The following DCC variants were observed in gnomAD, a reference collection of about 807,000 sequenced individuals.
The protein encoded by DCC is netrin receptor DCC.
Under a neutral mutation model 172.5 loss-of-function variants are expected in DCC, and 58 were observed. That is an observed-to-expected ratio of 0.34 (90% CI 0.27 to 0.42). DCC has a LOEUF of 0.42. Ranked by LOEUF, DCC falls within the 10% of genes least tolerant of loss-of-function variation. DCC has a pLI of 1.00. For synonymous variants in DCC, 709 were observed against 644.5 expected (o/e 1.10, Z -1.52); for missense variants, 1,740 against 1,791.0 (o/e 0.97, Z 0.51).
At chr18:52,914,970 TAAAG>T (rs771047354) in intron 3 of DCC, among the ~76,000 whole-genome samples, 11 of 152,168 alleles carry the variant, frequency 7.2e-5, no homozygotes, top group East Asian at 5.8e-4. Context: ...AGGAATTTAA[TAAAG>T]AAAACCGAGG....
At chr18:52,876,746 A>G (rs1382202749) in intron 2 of DCC, among the ~76,000 whole-genome samples, 1 of 152,160 alleles carries the variant, frequency 6.6e-6, no homozygotes, top group Non-Finnish European at 1.5e-5. Context: ...AGTCAAAAAC[A>G]TGAATGTGGG....
chr18:52,549,124 T>C (rs1381743217), intron 1 of DCC, among the ~76,000 whole-genome samples: 2 of 152,016 alleles, frequency 1.3e-5, no homozygotes, highest in Non-Finnish European at 2.9e-5. Flanking sequence ...TTTACAAACT[T>C]AAACCTTCAG....
At chr18:52,711,060 CAA>C (rs751458945) in intron 1 of DCC, among the ~76,000 whole-genome samples, 12 of 152,042 alleles carry the variant, frequency 7.9e-5, no homozygotes, top group East Asian at 1.9e-4. Context: ...ACATGAAAGC[CAA>C]AGAGTTGATT....
intron 5 of DCC, among the ~76,000 whole-genome samples, chr18:53,045,144 A>G (rs570165767): frequency 1.3e-5 from 2 of 152,062 alleles, no homozygotes; most frequent in East Asian, 3.9e-4. Flanking sequence ...CCTTTAATTG[A>G]TGAATAATAT....
At chr18:53,052,541 G>A (rs143296543) in intron 5 of DCC, among the ~76,000 whole-genome samples, 1 of 152,116 alleles carries the variant, frequency 6.6e-6, no homozygotes, top group African/African-American at 2.4e-5. Flanking sequence ...GTTACTTCTA[G>A]ACTTACTTGT....
At chr18:52,996,780 T>C (rs922134387) in intron 5 of DCC, among the ~76,000 whole-genome samples, 1 of 149,342 alleles carries the variant, frequency 6.7e-6, no homozygotes, top group African/African-American at 2.5e-5. Context: ...TTCTTTTTTT[T>C]TTTTTTTTTT....
At chr18:52,528,975 G>C (rs2032065237) in intron 1 of DCC, among the ~76,000 whole-genome samples, 1 of 151,982 alleles carries the variant, frequency 6.6e-6, no homozygotes, top group Non-Finnish European at 1.5e-5. Context: ...ATGACAAACT[G>C]TATGACCCCC....
At chr18:52,973,182 TATA>T (rs1336494821) in intron 5 of DCC, among the ~76,000 whole-genome samples, 1 of 152,198 alleles carries the variant, frequency 6.6e-6, no homozygotes, top group African/African-American at 2.4e-5. Flanking sequence ...AGATCTTTAA[TATA>T]ATGCAGTCTA....
chr18:53,487,529 CTTT>C (rs34404262), intron 26 of DCC, among the ~76,000 whole-genome samples: 31 of 120,210 alleles, frequency 2.6e-4, no homozygotes, highest in African/African-American at 9.1e-4. Context: ...CCATTTGACT[CTTT>C]TTTTTTTTTT....
Position 52,869,092 on chromosome 18 carries a change from C to T in DCC, c.413-36952C>T, listed in dbSNP as rs149237582. On this transcript the variant is annotated intron_variant, in intron 2 of 28. Transcript: ENST00000442544. ...CCCAAAGGGTCACAGCTCTTCTCTA[C>T]TTCCCTTTGCCTGCAATGTGGCAAA... is the stretch of plus-strand genomic sequence containing the variant. 9.3e-3 allele frequency among the ~76,000 whole-genome samples: 1,420 copies of T among 152,382 alleles called. 10 individuals are homozygous for T. Among genetic ancestry groups the T allele is most frequent in the Middle Eastern group, 0.024 (7 of 294 alleles).
intron 12 of DCC, among the ~76,000 whole-genome samples, chr18:53,257,799 C>T (rs990966981): frequency 2.1e-4 from 32 of 152,268 alleles, no homozygotes; most frequent in Admixed American, 6.5e-4. Flanking sequence ...CCAGCTCCTC[C>T]TTGTACCTCT....
At chr18:53,343,852 C>T (rs924024263) in intron 15 of DCC, among the ~76,000 whole-genome samples, 1 of 151,952 alleles carries the variant, frequency 6.6e-6, no homozygotes, top group Non-Finnish European at 1.5e-5. Flanking sequence ...GTCTGATTTG[C>T]AAACTTTCTT....
At chr18:53,088,898 C>A (rs2042961589) in intron 7 of DCC, among the ~76,000 whole-genome samples, 1 of 152,072 alleles carries the variant, frequency 6.6e-6, no homozygotes, top group African/African-American at 2.4e-5. Context: ...CAGAAACGAG[C>A]ATTAACCCAA....
intron 1 of DCC, among the ~76,000 whole-genome samples, chr18:52,492,655 C>T (rs1312593231): frequency 6.6e-6 from 1 of 151,892 alleles, no homozygotes; most frequent in Non-Finnish European, 1.5e-5. Context: ...AAAAAAAAGA[C>T]ATAATACTTT....
intron 1 of DCC, among the ~76,000 whole-genome samples, chr18:52,382,049 C>G (rs1985609370): frequency 1.3e-5 from 2 of 152,058 alleles, no homozygotes; most frequent in South Asian, 4.1e-4. Flanking sequence ...AGACTGACTC[C>G]CTAATAGCCA....
intron 12 of DCC, among the ~76,000 whole-genome samples, chr18:53,288,345 A>G (rs1275519832): frequency 1.3e-5 from 2 of 152,162 alleles, no homozygotes; most frequent in African/African-American, 4.8e-5. Context: ...ACAATGGCAT[A>G]TTCTGAACTA....
chr18:53,195,459 T>C (rs1435365863), intron 9 of DCC, among the ~76,000 whole-genome samples: 3 of 152,208 alleles, frequency 2.0e-5, no homozygotes, highest in Non-Finnish European at 4.4e-5. Context: ...AACAACTTAA[T>C]GGTAATTCCA....
intron 15 of DCC, among the ~76,000 whole-genome samples, chr18:53,372,609 T>TA (rs2058070476): frequency 1.3e-5 from 2 of 151,876 alleles, no homozygotes; most frequent in East Asian, 1.9e-4. Flanking sequence ...ACCTAAAAGT[T>TA]AAAAAAAATC....
intron 7 of DCC, among the ~76,000 whole-genome samples, chr18:53,148,865 C>CTTTTTTTTTTTT (rs5824990): frequency 9.1e-5 from 10 of 109,818 alleles, no homozygotes; most frequent in Admixed American, 1.9e-4. Flanking sequence ...TTCCCAATGC[C>CTTTTTTTTTTTT]TTTTTTTTTT....
Sources: allele counts gnomAD v4.1 joint callset (sites outside exome capture counted in the v4.1 genomes callset), GRCh38; gene constraint gnomAD v4.1.1; transcripts MANE v1.5; gene names NCBI Gene and HGNC (gene_info 2026-07-23, HGNC 2026-07-21).